RASSF2: variants seen among roughly 807,000 people sequenced by gnomAD.
The protein encoded by RASSF2 is ras association domain-containing protein 2.
A neutral mutation model predicts 46.3 loss-of-function variants in RASSF2; 34 were observed. The ratio of observed to expected loss-of-function variants is 0.73; its 90% CI spans 0.56 to 0.98. The LOEUF (loss-of-function observed/expected upper bound fraction) is 0.98, where lower values mean the gene tolerates loss of function less well. Among genes scored for constraint, RASSF2 ranks in the 50% least tolerant of loss-of-function variants. RASSF2 has a pLI of 0.00. For missense variants in RASSF2, 364 were observed against 431.2 expected (o/e 0.84, Z 1.38); for synonymous variants, 158 against 162.5 (o/e 0.97, Z 0.21).
rs1925795332 is a variant in RASSF2 at position 4,790,620 on chromosome 20, G to A, written c.377-9C>T. ...CTTCAGGCCCCTGGAGTCTGAGAGA[G>A]GAGAGGGAAATGAACTCTGTCTGTC... is the stretch of plus-strand genomic sequence containing the variant. On this transcript the variant is annotated splice_polypyrimidine_tract_variant and intron_variant, in intron 6 of 11. Coordinates refer to ENST00000379400, the MANE Select transcript of RASSF2 (RefSeq NM_014737.3). The surrounding 1 kb of genome is among the most constrained non-coding windows in gnomAD (Gnocchi z 4.3). 6.6e-7 allele frequency: 1 copy of A among 1,515,412 alleles called. No individual in the cohort carries two copies. Among genetic ancestry groups the A allele is most frequent in the Non-Finnish European group, 8.7e-7 (1 of 1,143,768 alleles). The allele number at this position is 1,515,412 out of a possible 1,614,324, so 93.9% of individuals were successfully genotyped here.
rs1926482668 is a variant in RASSF2, at chr20:4,797,898, T to A, written c.135+112A>T. The A allele has an allele frequency of 4.7e-6, 7 of 1,494,400 alleles. No individual in the cohort carries two copies. The Admixed American group carries it at 1.7e-4, about 36-fold the overall frequency. 92.6% of individuals were successfully genotyped at this position (1,494,400 alleles called of 1,614,324 possible). On this transcript the variant is annotated intron_variant, in intron 4 of 11. Transcript: ENST00000379400. ...CAAGGACTCTCACTAGCAACCTAAA[T>A]AAGAAGCAGGAGAGGCAGGGTTCTC...
chr20:4,785,599 G>A (rs1226552434), intron 11 of RASSF2, among the ~76,000 whole-genome samples: 3 of 152,194 alleles, frequency 2.0e-5, no homozygotes, highest in Admixed American at 2.0e-4. Context: ...GAAGATAAAT[G>A]TTACAAAGGG....
chr20:4,798,687 G>A (rs56291247), intron 3 of RASSF2, among the ~76,000 whole-genome samples: 4 of 151,320 alleles, frequency 2.6e-5, no homozygotes, highest in African/African-American at 4.9e-5. Context: ...TTAGCCAGGC[G>A]TGGTGGTGCA....
At chr20:4,784,438 G>A (rs981479501) in intron 11 of RASSF2, 96 bp from the exon 12 acceptor site, 4 of 1,163,688 alleles carry the variant, frequency 3.4e-6, no homozygotes, top group East Asian at 4.7e-5. Context: ...GGTCACACCA[G>A]GTAACAGTGC....
chr20:4,818,051 G>A (rs1279210594), intron 2 of RASSF2, among the ~76,000 whole-genome samples: 1 of 152,152 alleles, frequency 6.6e-6, no homozygotes, highest in African/African-American at 2.4e-5. Flanking sequence ...TGGATCACTT[G>A]AGGTCAGGAG....
rs549320287 is a variant in RASSF2, at chr20:4,784,084, G to T, written c.*189C>A. The stretch of plus-strand genomic sequence containing the variant: ...AGTCCTTGTGAGCAGAAAAAAGGAG[G>T]GCAGGGGTCCAGGGATAGGGAGCTG... On this transcript the variant is annotated 3_prime_UTR_variant, in exon 12 of 12. Coordinates refer to ENST00000379400, the MANE Select transcript of RASSF2 (RefSeq NM_014737.3). 3.2e-6 allele frequency: 2 copies of T among 617,906 alleles called. No individual in the cohort carries two copies. The highest frequency in any genetic ancestry group is 5.8e-6 in the Non-Finnish European group (2 of 345,700). 38.3% of individuals were successfully genotyped at this position (617,906 alleles called of 1,614,324 possible). A position where few individuals can be genotyped will look rare whatever the true frequency, so the allele number is the denominator to read the frequency against.
rs1043539734 is a variant in RASSF2 at position 4,818,353 on chromosome 20, A to C, written c.-33+3976T>G. On this transcript the variant is annotated intron_variant, in intron 2 of 11. Coordinates refer to ENST00000379400, the MANE Select transcript of RASSF2 (RefSeq NM_014737.3). Reference sequence around the variant, plus strand: ...AGGTGAGGTTCAACCGGTTTGGGGCAGCGCTTGAACATATCCCATGACTTG... The same window carrying C: ...AGGTGAGGTTCAACCGGTTTGGGGCCGCGCTTGAACATATCCCATGACTTG... 5.9e-5 allele frequency among the ~76,000 whole-genome samples: 9 copies of C among 152,052 alleles called. 1 individual carries two copies. Among genetic ancestry groups the C allele is most frequent in the African/African-American group, 1.9e-4 (8 of 41,408 alleles).
intron 4 of RASSF2, among the ~76,000 whole-genome samples, chr20:4,796,506 T>A (rs1468613499): frequency 1.3e-5 from 2 of 152,226 alleles, no homozygotes; most frequent in Non-Finnish European, 2.9e-5. Flanking sequence ...CAAGTGATCA[T>A]GAGCTGGGAG....
intron 2 of RASSF2, among the ~76,000 whole-genome samples, chr20:4,816,672 A>AAAGATG (rs1928331851): frequency 6.6e-6 from 1 of 152,216 alleles, no homozygotes; most frequent in East Asian, 1.9e-4. Context: ...ACATATGAAA[A>AAAGATG]AAGATGAAGA....
At chr20:4,801,135 G>A in intron 2 of RASSF2, 73 bp from the exon 3 acceptor site, 1 of 1,211,538 alleles carries the variant, frequency 8.3e-7, no homozygotes, top group Non-Finnish European at 1.2e-6. Flanking sequence ...CTTGGGGTGG[G>A]GAGGGGGCAC....
In RASSF2 at chr20:4,812,849, G is replaced by A. The variant is rs909304225; in HGVS notation, c.-33+9480C>T. Among the ~76,000 whole-genome samples, 54 of 152,316 alleles carry A rather than the reference G, an allele frequency of 3.5e-4. No individual in the cohort carries two copies. The highest frequency in any genetic ancestry group is 1.2e-3 in the African/African-American group (51 of 41,566). ...TGCTCCTGTGGCTCTCTGGCTGAGC[G>A]CTGGATCTGAGAGGGCCACTATGCG... On this transcript the variant is annotated intron_variant, in intron 2 of 11. Transcript: ENST00000379400. The surrounding 1 kb of genome is among the most constrained non-coding windows in gnomAD (Gnocchi z 4.0).
At chr20:4,821,239 G>C (rs544533804) in intron 2 of RASSF2, among the ~76,000 whole-genome samples, 5 of 152,266 alleles carry the variant, frequency 3.3e-5, no homozygotes, top group African/African-American at 1.2e-4. Context: ...GGGCTCCTAA[G>C]ATGGCACAAA....
intron 2 of RASSF2, among the ~76,000 whole-genome samples, chr20:4,803,732 G>A (rs936437010): frequency 6.6e-6 from 1 of 151,782 alleles, no homozygotes; most frequent in Non-Finnish European, 1.5e-5. Flanking sequence ...ACTCTAGCCT[G>A]GGCAACAGAG....
intron 3 of RASSF2, among the ~76,000 whole-genome samples, chr20:4,799,811 G>A (rs1400683699): frequency 2.0e-5 from 3 of 152,176 alleles, no homozygotes; most frequent in African/African-American, 4.8e-5. Flanking sequence ...TAAATATTTC[G>A]TTAAGATAGA....
intron 3 of RASSF2, among the ~76,000 whole-genome samples, chr20:4,799,866 C>G (rs1926712377): frequency 6.6e-6 from 1 of 152,028 alleles, no homozygotes; most frequent in South Asian, 2.1e-4. Flanking sequence ...AATCCCAGCA[C>G]TTTGGGAGGC....
chr20:4,805,151 G>T (rs1408252198), intron 2 of RASSF2, among the ~76,000 whole-genome samples: 1 of 152,028 alleles, frequency 6.6e-6, no homozygotes, highest in Non-Finnish European at 1.5e-5. Context: ...CCCCGACCTG[G>T]AGCCTGTGAA....
At chr20:4,793,643 T>A (rs34531804) in intron 5 of RASSF2, among the ~76,000 whole-genome samples, 37,660 of 151,732 alleles carry the variant, frequency 0.25, 4,778 homozygotes, top group Admixed American at 0.28. Context: ...CTTATTTTTT[T>A]TTTTTATTTT....
At chr20:4,786,898 CATGGTGAAACCCCGTCTCTACTAA>C (rs1925399220) in intron 10 of RASSF2, among the ~76,000 whole-genome samples, 1 of 152,044 alleles carries the variant, frequency 6.6e-6, no homozygotes, top group African/African-American at 2.4e-5. Context: ...AGCTGGCCAA[CATGGTGAAACCCCGTCTCTACTAA>C]AAATACAAAA....
At chr20:4,823,301 G>T (rs1928847671) in intron 1 of RASSF2, among the ~76,000 whole-genome samples, 2 of 151,962 alleles carry the variant, frequency 1.3e-5, no homozygotes, top group East Asian at 3.9e-4. Context: ...CGCGCCCCGC[G>T]CCCCGCGCCT....
Sources: allele counts gnomAD v4.1 joint callset (sites outside exome capture counted in the v4.1 genomes callset), GRCh38; gene constraint gnomAD v4.1.1; non-coding constraint Gnocchi (gnomAD v3.1); transcripts MANE v1.5; gene names NCBI Gene and HGNC (gene_info 2026-07-23, HGNC 2026-07-21).